The following RFNG variants were observed in gnomAD, a reference collection of about 807,000 sequenced individuals.
RFNG encodes the protein RFNG O-fucosylpeptide 3-beta-N-acetylglucosaminyltransferase, also known as beta-1,3-N-acetylglucosaminyltransferase radical fringe.
Under a neutral mutation model 29.6 loss-of-function variants are expected in RFNG, and 37 were observed. That is an observed-to-expected ratio of 1.25 (90% confidence interval 0.96 to 1.65). RFNG has a LOEUF of 1.65. Ranked by LOEUF, RFNG falls within the 40% of genes most tolerant of loss-of-function variation. The pLI, the probability that RFNG is intolerant of heterozygous loss-of-function variation, is 0.00. For synonymous variants in RFNG, 276 were observed against 197.3 expected, an observed-to-expected ratio of 1.40 and a Z score of -3.34; for missense variants, 546 against 457.0, an observed-to-expected ratio of 1.19 and a Z score of -1.78.
At chr17:82,049,876 C>T in intron 5 of RFNG, 34 bp from the exon 6 acceptor site, 4 of 1,611,374 alleles carry the variant, frequency 2.5e-6, no homozygotes, top group Admixed American at 1.7e-5. Flanking sequence ...TTTCAGGTCT[C>T]AGCCTCCGCC....
At chr17:82,049,506 T>C (rs2030129506) in intron 6 of RFNG, 171 bp downstream of exon 6, 1 of 787,256 alleles carries the variant, frequency 1.3e-6, no homozygotes, top group Non-Finnish European at 2.2e-6. Flanking sequence ...CATCTGTACG[T>C]GAGGACCCTG....
chr17:82,051,274 G>C lies in RFNG; in HGVS notation c.316+20C>G. Reference sequence around the variant, plus strand: ...TCGGGGGGCAGATCCCGCGGGCGCCGGGGAGTGGGGGACACTCACCGCCCT... The same window carrying C: ...TCGGGGGGCAGATCCCGCGGGCGCCCGGGAGTGGGGGACACTCACCGCCCT... On this transcript the variant is annotated intron_variant, in intron 2 of 7. Coordinates refer to ENST00000310496, the MANE Select transcript of RFNG (RefSeq NM_002917.2). This position sits in a 1 kb window ranked among gnomAD's most constrained non-coding sequence, Gnocchi z 4.1. 7.3e-7 allele frequency: 1 copy of C among 1,361,686 alleles called. No homozygotes were observed. Among genetic ancestry groups the C allele is most frequent in the Non-Finnish European group, 9.5e-7 (1 of 1,054,856 alleles). 84.4% of individuals were successfully genotyped at this position (1,361,686 alleles called of 1,614,324 possible). A position where few individuals can be genotyped will look rare whatever the true frequency, so the allele number is the denominator to read the frequency against.
In RFNG at chr17:82,051,016, C is replaced by T. The variant is rs1303235522; in HGVS notation, c.317-252G>A. The T allele has an allele frequency of 1.9e-5, 26 of 1,402,024 alleles. No individual in the cohort carries two copies. Among genetic ancestry groups the T allele is most frequent in the African/African-American group, 2.9e-5 (2 of 68,774 alleles). The allele number at this position is 1,402,024 out of a possible 1,614,324, so 86.8% of individuals were successfully genotyped here. On this transcript the variant is annotated intron_variant, in intron 2 of 7. Coordinates refer to ENST00000310496, the MANE Select transcript of RFNG (RefSeq NM_002917.2). This position sits in a 1 kb window ranked among gnomAD's most constrained non-coding sequence, Gnocchi z 4.1. ...ACGGAGGCAGCTCGCCCTGACCTGGCCTGGAAGGGCGGATTCCCTGCTGGC... is the reference window on the plus strand; with the variant it reads ...ACGGAGGCAGCTCGCCCTGACCTGGTCTGGAAGGGCGGATTCCCTGCTGGC...
At chr17:82,050,833 AC>A (rs1298225087) in intron 2 of RFNG, 69 bp from the exon 3 acceptor site, 82 of 1,528,082 alleles carry the variant, frequency 5.4e-5, no homozygotes, top group Non-Finnish European at 7.0e-5. Flanking sequence ...CCTGTGCCCC[AC>A]CTGCCCCCAA....
intron 4 of RFNG, 109 bp from the exon 5 acceptor site, chr17:82,050,115 C>A: frequency 3.0e-6 from 3 of 1,012,400 alleles, no homozygotes; most frequent in Non-Finnish European, 4.5e-6. Flanking sequence ...GAGATCCCAC[C>A]CAGGTAACAG....
Position 82,051,407 on chromosome 17 carries a change from C to T in RFNG, c.268-65G>A. On this transcript the variant is annotated intron_variant, in intron 1 of 7. Coordinates refer to ENST00000310496, the MANE Select transcript of RFNG (RefSeq NM_002917.2). The surrounding 1 kb of genome is among the most constrained non-coding windows in gnomAD (Gnocchi z 4.1). The stretch of plus-strand genomic sequence containing the variant: ...CCAGGCCGGAGACCGACCCGCCCCG[C>T]GCGGAGCCTCCGGGGGCCTGGGCCG... 1.4e-6 allele frequency: 2 copies of T among 1,401,822 alleles called. No homozygotes were observed. Among genetic ancestry groups the T allele is most frequent in the South Asian group, 1.7e-5 (1 of 57,654 alleles). The allele number at this position is 1,401,822 out of a possible 1,614,324, so 86.8% of individuals were successfully genotyped here. A position where few individuals can be genotyped will look rare whatever the true frequency, so the allele number is the denominator to read the frequency against.
Position 82,050,417 on chromosome 17 carries a change from G to A in RFNG, c.558C>T (p.Val186=), listed in dbSNP as rs921855967. The change falls in exon 4 of 8, where the codon GTC becomes GTT. Residue 186 remains valine (V), a synonymous_variant. Coordinates refer to ENST00000310496, the MANE Select transcript of RFNG (RefSeq NM_002917.2). ...CGACACTCACAGTTCTGCCACCCTGGACCCTCTCGGTGGCCTCAATGGGGT... is the reference window on the plus strand; with the variant it reads ...CGACACTCACAGTTCTGCCACCCTGAACCCTCTCGGTGGCCTCAATGGGGT... The part of the protein sequence containing the change: ...LDHPIEATER[V]QGGRTVTTVK... 3 of 1,592,528 alleles carry A rather than the reference G, an allele frequency of 1.9e-6. No homozygotes were observed. The highest frequency in any genetic ancestry group is 1.7e-6 in the Non-Finnish European group (2 of 1,172,478).
Position 82,049,093 on chromosome 17 carries a change from A to G in RFNG, c.852T>C (p.Pro284=), listed in dbSNP as rs148080277. The change falls in exon 7 of 8, where the codon CCT becomes CCC. Residue 284 remains proline, a synonymous_variant. Coordinates refer to ENST00000310496, the MANE Select transcript of RFNG (RefSeq NM_002917.2). ...LQQVTLSHGG[P]ENPHNVVNVA... Reference sequence around the variant, plus strand: ...CGTTCACCACGTTATGTGGGTTCTCAGGACCCCCATGGCTCAAGGTAACCT... The same window carrying G: ...CGTTCACCACGTTATGTGGGTTCTCGGGACCCCCATGGCTCAAGGTAACCT... The G allele has an allele frequency of 6.2e-6, 10 of 1,613,358 alleles. No homozygotes were observed. The African/African-American group carries it at 1.1e-4, about 17-fold the overall frequency.
At chr17:82,049,177 C>T (rs771771192) in intron 6 of RFNG, 61 bp from the exon 7 acceptor site, 4 of 1,436,280 alleles carry the variant, frequency 2.8e-6, no homozygotes, top group Non-Finnish European at 3.9e-6. Context: ...CACGCCTGCC[C>T]CTGGCCAGGA....
In RFNG at chr17:82,050,399, C is replaced by T. The variant is rs769028189; in HGVS notation, c.573+3G>A. The T allele has an allele frequency of 1.3e-6, 2 of 1,569,560 alleles. No individual in the cohort carries two copies. Among genetic ancestry groups the T allele is most frequent in the Non-Finnish European group, 1.7e-6 (2 of 1,163,056 alleles). The stretch of plus-strand genomic sequence containing the variant: ...CTCCGATGGCGTCTGCTCCGACACT[C>T]ACAGTTCTGCCACCCTGGACCCTCT... On this transcript the variant is annotated splice_donor_region_variant and intron_variant, in intron 4 of 7. Coordinates refer to ENST00000310496, the MANE Select transcript of RFNG (RefSeq NM_002917.2).
rs2030550333 is a variant in RFNG at position 82,051,385 on chromosome 17, G to A, written c.268-43C>T. The A allele has an allele frequency of 3.5e-6, 5 of 1,436,316 alleles. No individual in the cohort carries two copies. The highest frequency in any genetic ancestry group is 4.5e-6 in the Non-Finnish European group (5 of 1,101,134). The allele number at this position is 1,436,316 out of a possible 1,614,324, so 89.0% of individuals were successfully genotyped here. ...TATGAGGCTTCTGGGGCGCTGCCCA[G>A]GCCGGAGACCGACCCGCCCCGCGCG... is the stretch of plus-strand genomic sequence containing the variant. On this transcript the variant is annotated intron_variant, in intron 1 of 7. Coordinates refer to ENST00000310496, the MANE Select transcript of RFNG (RefSeq NM_002917.2). The surrounding 1 kb of genome is among the most constrained non-coding windows in gnomAD (Gnocchi z 4.1).
rs777629635 is a variant in RFNG, at chr17:82,051,315, G to A, written c.295C>T (p.Pro99Ser). The change falls in exon 2 of 8, where the codon CCT (proline) becomes TCT (serine). Residue 99 changes from proline (P) to serine (S), a missense_variant. Physicochemically the swap from Pro to Ser is moderately conservative, Grantham distance 74. Coordinates refer to ENST00000310496, the MANE Select transcript of RFNG (RefSeq NM_002917.2). The surrounding 1 kb of genome is among the most constrained non-coding windows in gnomAD (Gnocchi z 4.1). ...QTFIFTDGDDPELELQGGDRV... is the reference protein window; with the variant it reads ...QTFIFTDGDDSELELQGGDRV... Reference sequence around the variant, plus strand: ...TCACCGCCCTGGAGCTCGAGCTCAGGGTCGTCCCCGTCGGTGAAGATAAAC... The same window carrying A: ...TCACCGCCCTGGAGCTCGAGCTCAGAGTCGTCCCCGTCGGTGAAGATAAAC... The A allele has an allele frequency of 8.3e-6, 12 of 1,442,640 alleles. No individual in the cohort carries two copies. Among genetic ancestry groups the A allele is most frequent in the Non-Finnish European group, 9.1e-6 (10 of 1,103,308 alleles). The allele number at this position is 1,442,640 out of a possible 1,614,324, so 89.4% of individuals were successfully genotyped here.
Position 82,051,361 on chromosome 17 carries a change from A to G in RFNG, c.268-19T>C. The G allele has an allele frequency of 2.1e-6, 3 of 1,462,742 alleles. No individual in the cohort carries two copies. The highest frequency in any genetic ancestry group is 1.5e-5 in the African/African-American group (1 of 67,312). The allele number at this position is 1,462,742 out of a possible 1,614,324, so 90.6% of individuals were successfully genotyped here. A position where few individuals can be genotyped will look rare whatever the true frequency, so the allele number is the denominator to read the frequency against. Reference sequence around the variant, plus strand: ...TAAACGTCTGGGGGAGAAACAATCTATGAGGCTTCTGGGGCGCTGCCCAGG... The same window carrying G: ...TAAACGTCTGGGGGAGAAACAATCTGTGAGGCTTCTGGGGCGCTGCCCAGG... On this transcript the variant is annotated intron_variant, in intron 1 of 7. Coordinates refer to ENST00000310496, the MANE Select transcript of RFNG (RefSeq NM_002917.2). This position sits in a 1 kb window ranked among gnomAD's most constrained non-coding sequence, Gnocchi z 4.1.
At chr17:82,049,502 T>C (rs1473139459) in intron 6 of RFNG, 175 bp downstream of exon 6, 5 of 775,088 alleles carry the variant, frequency 6.5e-6, no homozygotes, top group Admixed American at 2.0e-5. Flanking sequence ...ACCCCATCTG[T>C]ACGTGAGGAC....
rs751687130 is a variant in RFNG at position 82,050,679 on chromosome 17, G to A, written c.402C>T (p.Phe134=). The change falls in exon 3 of 8, where the codon TTC becomes TTT. Residue 134 remains phenylalanine (F), a synonymous_variant. Transcript: ENST00000310496. ...CCKMSVEYDK[F]IESGRKWFCH... is the part of the protein sequence containing the mutation. ...CCGCGTACTTGCGCCCGGACTCAAT[G>A]AACTTGTCATACTCCACGGACATCT... 6.8e-6 allele frequency: 11 copies of A among 1,613,244 alleles called. No individual in the cohort carries two copies. The highest frequency in any genetic ancestry group is 8.5e-6 in the Non-Finnish European group (10 of 1,179,946).
rs939899964 is a variant in RFNG at position 82,048,508 on chromosome 17, C to T, written c.*218G>A. 19 of 578,018 alleles carry T rather than the reference C, an allele frequency of 3.3e-5. No homozygotes were observed. The highest frequency in any genetic ancestry group is 5.6e-5 in the Non-Finnish European group (18 of 321,808). The allele number at this position is 578,018 out of a possible 1,614,324, so 35.8% of individuals were successfully genotyped here. A position where few individuals can be genotyped will look rare whatever the true frequency, so the allele number is the denominator to read the frequency against. On this transcript the variant is annotated 3_prime_UTR_variant, in exon 8 of 8. Coordinates refer to ENST00000310496, the MANE Select transcript of RFNG (RefSeq NM_002917.2). ...GGGGGGAGGGGCACTGCGGCCCTGG[C>T]CATCAGCCTGGCTGTCTTCGTTCTC...
rs1372577574 is a variant in RFNG at position 82,051,355 on chromosome 17, CA to C, written c.268-14del. On this transcript the variant is annotated splice_polypyrimidine_tract_variant and intron_variant, in intron 1 of 7. Coordinates refer to ENST00000310496, the MANE Select transcript of RFNG (RefSeq NM_002917.2). The surrounding 1 kb of genome is among the most constrained non-coding windows in gnomAD (Gnocchi z 4.1). ...TGAAGATAAACGTCTGGGGGAGAAA[CA>C]ATCTATGAGGCTTCTGGGGCGCTGC... The C allele has an allele frequency of 6.8e-7, 1 of 1,466,758 alleles. No homozygotes were observed. Among genetic ancestry groups the C allele is most frequent in the Non-Finnish European group, 8.9e-7 (1 of 1,119,142 alleles). 90.9% of individuals were successfully genotyped at this position (1,466,758 alleles called of 1,614,324 possible). A position where few individuals can be genotyped will look rare whatever the true frequency, so the allele number is the denominator to read the frequency against.
intron 6 of RFNG, chr17:82,049,405 C>T: frequency 1.4e-6 from 1 of 699,662 alleles, no homozygotes; most frequent in Non-Finnish European, 2.6e-6. Context: ...CATCACCATA[C>T]ACACCACACC....
intron 6 of RFNG, 136 bp from the exon 7 acceptor site, chr17:82,049,252 C>T (rs775390698): frequency 6.7e-6 from 5 of 747,220 alleles, no homozygotes; most frequent in Non-Finnish European, 1.2e-5. Context: ...GGCTTGGAAA[C>T]AGCATTGAAG....
Sources: gnomAD v4.1 joint callset for allele counts on GRCh38, gnomAD v4.1.1 for gene constraint, Gnocchi (gnomAD v3.1) non-coding constraint, MANE v1.5 for transcripts, NCBI Gene and HGNC (gene_info 2026-07-23, HGNC 2026-07-21) for gene names.